PPFIA2: variants seen among roughly 807,000 people sequenced by gnomAD.
The protein encoded by PPFIA2 is PPFI scaffold protein A2.
PPFIA2 carries 46 observed loss-of-function variants against 175.5 expected under a neutral mutation model. The ratio of observed to expected loss-of-function variants is 0.26; its 90% CI spans 0.21 to 0.34. PPFIA2 has a LOEUF of 0.34. Among genes scored for constraint, PPFIA2 ranks in the 10% least tolerant of loss-of-function variants. The probability of loss-of-function intolerance (pLI) is 1.00; values close to 1 mark genes in which losing one functional copy is unlikely to be tolerated. For missense variants in PPFIA2, 1,179 were observed against 1,506.1 expected (o/e 0.78, Z 3.60); for synonymous variants, 568 against 511.4 (o/e 1.11, Z -1.49).
intron 21 of PPFIA2, among the ~76,000 whole-genome samples, chr12:81,327,747 A>G (rs1358607178): frequency 6.6e-6 from 1 of 152,168 alleles, no homozygotes; most frequent in African/African-American, 2.4e-5. Context: ...TTTAATAGAA[A>G]AAAATCACAT....
chr12:81,392,667 TCTTAA>T (rs2040366331), intron 8 of PPFIA2, among the ~76,000 whole-genome samples: 1 of 151,986 alleles, frequency 6.6e-6, no homozygotes, highest in Non-Finnish European at 1.5e-5. Flanking sequence ...AAAGTTTAAA[TCTTAA>T]CTTATATATT....
At chr12:81,583,628 A>G (rs2074742864) in intron 4 of PPFIA2, among the ~76,000 whole-genome samples, 2 of 151,932 alleles carry the variant, frequency 1.3e-5, no homozygotes, top group Admixed American at 1.3e-4. Flanking sequence ...TTCTCAGAAC[A>G]AGGCTCTTAG....
chr12:81,262,135 G>A (rs1305398843), intron 31 of PPFIA2, 95 bp from the exon 32 acceptor site: 5 of 815,300 alleles, frequency 6.1e-6, no homozygotes, highest in African/African-American at 3.4e-5. Flanking sequence ...CAGGGATTCC[G>A]AACATATTAG....
At chr12:81,525,780 A>G (rs368233950) in intron 4 of PPFIA2, among the ~76,000 whole-genome samples, 1 of 152,224 alleles carries the variant, frequency 6.6e-6, no homozygotes, top group East Asian at 1.9e-4. Context: ...AACACTGGAC[A>G]TGAAAAACTG....
chr12:81,583,450 C>T (rs1335485498), intron 4 of PPFIA2, among the ~76,000 whole-genome samples: 1 of 151,800 alleles, frequency 6.6e-6, no homozygotes, highest in East Asian at 1.9e-4. Context: ...CATTCTCTGC[C>T]TTCTATCAAT....
chr12:81,640,120 A>G (rs1354803332), intron 4 of PPFIA2, among the ~76,000 whole-genome samples: 1 of 152,190 alleles, frequency 6.6e-6, no homozygotes, highest in Non-Finnish European at 1.5e-5. Flanking sequence ...ACATGTGTGT[A>G]TATGTATCTA....
intron 4 of PPFIA2, among the ~76,000 whole-genome samples, chr12:81,478,615 T>C (rs192051241): frequency 6.6e-6 from 1 of 152,358 alleles, no homozygotes; most frequent in African/African-American, 2.4e-5. Context: ...TGCTACATTG[T>C]GTCTTTGTTC....
chr12:81,748,302 T>C (rs951290585), intron 3 of PPFIA2, among the ~76,000 whole-genome samples: 2 of 144,888 alleles, frequency 1.4e-5, no homozygotes, highest in African/African-American at 4.9e-5. Flanking sequence ...TTAGTAACAT[T>C]TGTGTAGGTC....
intron 4 of PPFIA2, among the ~76,000 whole-genome samples, chr12:81,588,639 C>A (rs2075609843): frequency 6.6e-6 from 1 of 152,180 alleles, no homozygotes; most frequent in Admixed American, 6.6e-5. Flanking sequence ...AAAGATAAAC[C>A]TGACCTTTCC....
At chr12:81,563,098 A>G (rs1298221215) in intron 4 of PPFIA2, among the ~76,000 whole-genome samples, 1 of 151,664 alleles carries the variant, frequency 6.6e-6, no homozygotes, top group Non-Finnish European at 1.5e-5. Context: ...TTTTCTATAT[A>G]TATGTTCTTC....
intron 4 of PPFIA2, among the ~76,000 whole-genome samples, chr12:81,639,033 G>A (rs918460836): frequency 2.0e-5 from 3 of 152,118 alleles, no homozygotes; most frequent in Non-Finnish European, 4.4e-5. Context: ...CTTCAGAAAT[G>A]TCTTTCCATA....
At chr12:81,277,149 G>C (rs1236426102) in intron 28 of PPFIA2, among the ~76,000 whole-genome samples, 168 bp downstream of exon 28, 1 of 151,984 alleles carries the variant, frequency 6.6e-6, no homozygotes, top group Non-Finnish European at 1.5e-5. Context: ...GGAGATACCT[G>C]TTTCTGTATT....
chr12:81,295,000 G>T lies in PPFIA2; in HGVS notation c.2760C>A (p.Ala920=). The part of the protein sequence containing the change: ...WLGMPAWYVA[A]CRANVKSGAI... ...CACCACTCTTCACGTTGGCTCGGCA[G>T]GCTGCCACGTACCACGCAGGCATTC... is the stretch of plus-strand genomic sequence containing the variant. Residue 920 remains alanine (A), a synonymous_variant, in exon 24 of 33, where the codon GCC becomes GCA. Coordinates refer to ENST00000549396, the MANE Select transcript of PPFIA2 (RefSeq NM_003625.5). 1 of 1,613,708 alleles carries T rather than the reference G, an allele frequency of 6.2e-7. No individual in the cohort carries two copies. Among genetic ancestry groups the T allele is most frequent in the Non-Finnish European group, 8.5e-7 (1 of 1,179,760 alleles).
At chr12:81,579,246 G>T (rs1183675399) in intron 4 of PPFIA2, among the ~76,000 whole-genome samples, 1 of 151,784 alleles carries the variant, frequency 6.6e-6, no homozygotes, top group Non-Finnish European at 1.5e-5. Context: ...AATCCACTAG[G>T]AGGGATTGTG....
At chr12:81,384,527 C>A (rs77531498) in intron 8 of PPFIA2, among the ~76,000 whole-genome samples, 1 of 151,620 alleles carries the variant, frequency 6.6e-6, no homozygotes, top group Non-Finnish European at 1.5e-5. Flanking sequence ...ATTGATGTAT[C>A]CTAAACATTT....
At chr12:81,443,775 C>A (rs2050675050) in intron 6 of PPFIA2, among the ~76,000 whole-genome samples, 1 of 147,246 alleles carries the variant, frequency 6.8e-6, no homozygotes, top group Non-Finnish European at 1.5e-5. Flanking sequence ...GGTCCTGCTG[C>A]TTAGAGTATC....
intron 4 of PPFIA2, among the ~76,000 whole-genome samples, chr12:81,573,760 G>A (rs183650578): frequency 8.2e-4 from 125 of 151,970 alleles, no homozygotes; most frequent in Admixed American, 2.1e-3. Context: ...AAATGCTCCT[G>A]TAGAACAGCA....
At chr12:81,420,306 A>G (rs935882217) in intron 7 of PPFIA2, among the ~76,000 whole-genome samples, 5 of 152,194 alleles carry the variant, frequency 3.3e-5, no homozygotes. Flanking sequence ...AAGGAACACA[A>G]TAATTTTCTA....
At chr12:81,613,368 G>A (rs2061125214) in intron 4 of PPFIA2, among the ~76,000 whole-genome samples, 1 of 152,070 alleles carries the variant, frequency 6.6e-6, no homozygotes, top group African/African-American at 2.4e-5. Context: ...ATTAGATGTT[G>A]AACTTCAACT....
Sources: gnomAD v4.1 joint callset for allele counts (sites outside exome capture counted in the v4.1 genomes callset) on GRCh38, gnomAD v4.1.1 for gene constraint, MANE v1.5 for transcripts, NCBI Gene and HGNC (gene_info 2026-07-23, HGNC 2026-07-21) for gene names.